Variants in EIF4G1 observed in about 807,000 individuals in gnomAD.
EIF4G1 encodes EIF4-gamma.
A neutral mutation model predicts 187.8 loss-of-function variants in EIF4G1; 4 were observed. The ratio of observed to expected loss-of-function variants is 0.02; its 90% CI spans 0.01 to 0.05. The LOEUF (loss-of-function observed/expected upper bound fraction) is 0.05. EIF4G1 is among the 10% of genes least tolerant of loss of function. The pLI is 1.00. For missense variants in EIF4G1, 1,647 were observed against 2,081.1 expected (o/e 0.79, Z 4.06); for synonymous variants, 844 against 781.4 (o/e 1.08, Z -1.34).
At chr3:184,327,094 G>C in intron 23 of EIF4G1, 111 bp downstream of exon 23, 2 of 1,568,568 alleles carry the variant, frequency 1.3e-6, no homozygotes, top group Admixed American at 3.5e-5. Flanking sequence ...GGAGCCCTTG[G>C]GTTAGATTGG....
At chr3:184,333,760 G>A (rs1726575604) in intron 32 of EIF4G1, among the ~76,000 whole-genome samples, 1 of 152,246 alleles carries the variant, frequency 6.6e-6, no homozygotes, top group African/African-American at 2.4e-5. Context: ...TTAGCTGTAA[G>A]ATAGTGGTTG....
chr3:184,322,061 G>A lies in EIF4G1; in HGVS notation c.1477G>A (p.Ala493Thr), dbSNP rs1476307707. 1.2e-6 allele frequency: 2 copies of A among 1,614,140 alleles called. No homozygotes were observed. The highest frequency in any genetic ancestry group is 1.7e-6 in the Non-Finnish European group (2 of 1,180,026). The change falls in exon 10 of 33, where the codon GCC (alanine) becomes ACC (threonine). Residue 493 changes from alanine (A) to threonine (T), a missense_variant. By Grantham distance (58) the Ala-to-Thr change is moderately conservative. This residue lies in a region of EIF4G1 where 522 missense variants were observed against 485.2 expected (regional missense o/e 1.08). Transcript: ENST00000346169. ...LLPPESTPIP[A>T]NLSQNLEAAA... is the part of the protein sequence containing the mutation. ...CCCCCCAGAGAGTACCCCTATTCCA[G>A]CCAACTTGTCTCAGAATTTGGAGGC...
rs752071753 is a variant in EIF4G1, at chr3:184,316,740, T to C, written c.147+522T>C. On this transcript the variant is annotated intron_variant, in intron 4 of 32. Coordinates refer to ENST00000346169, the MANE Select transcript of EIF4G1 (RefSeq NM_198241.3). ...AGGATTCAGGTCTCTGCAGGTAATA[T>C]CCCTTTCCCAACCCTGGACAGTCTT... 5.0e-6 allele frequency: 8 copies of C among 1,596,290 alleles called. No individual in the cohort carries two copies. The Admixed American group carries it at 6.7e-5, about 13-fold the overall frequency.
rs1380564622 is a variant in EIF4G1, at chr3:184,321,674, A to G, written c.1090A>G (p.Met364Val). The change falls in exon 10 of 33, where the codon ATG becomes GTG. Residue 364 changes from methionine (M) to valine (V), a missense_variant. Met to Val is a conservative substitution (Grantham distance 21). This residue lies in a region of EIF4G1 where 522 missense variants were observed against 485.2 expected (regional missense o/e 1.08). Coordinates refer to ENST00000346169, the MANE Select transcript of EIF4G1 (RefSeq NM_198241.3). ...HTVEIHEPNG[M>V]VPSEDLEPEV... ...AGTGGAAATTCATGAGCCTAATGGCATGGTCCCATCTGAAGATCTGGAACC... is the reference window on the plus strand; with the variant it reads ...AGTGGAAATTCATGAGCCTAATGGCGTGGTCCCATCTGAAGATCTGGAACC... 1.2e-6 allele frequency: 2 copies of G among 1,600,388 alleles called. No homozygotes were observed. Among genetic ancestry groups the G allele is most frequent in the Non-Finnish European group, 1.7e-6 (2 of 1,171,792 alleles).
chr3:184,326,475 A>G (rs968369281), intron 21 of EIF4G1, 52 bp from the exon 22 acceptor site: 53 of 1,599,588 alleles, frequency 3.3e-5, no homozygotes, highest in Non-Finnish European at 1.1e-5. Flanking sequence ...GGTGCTGGCC[A>G]AGGGACTCAG....
chr3:184,331,822 AG>A lies in EIF4G1; in HGVS notation c.4477+16del. On this transcript the variant is annotated intron_variant, in intron 31 of 32. Transcript: ENST00000346169. Reference sequence around the variant, plus strand: ...TCTGCAATTATTTGTAAGAGGAACCAGGGAGATGGAGGGGCAAGGGTGGGCC... The same window carrying A: ...TCTGCAATTATTTGTAAGAGGAACCAGGAGATGGAGGGGCAAGGGTGGGCC... The A allele has an allele frequency of 6.2e-7, 1 of 1,614,170 alleles. No individual in the cohort carries two copies. The highest frequency in any genetic ancestry group is 8.5e-7 in the Non-Finnish European group (1 of 1,180,042).
chr3:184,324,345 A>G lies in EIF4G1; in HGVS notation c.2617A>G (p.Thr873Ala). Residue 873 changes from threonine (T) to alanine (A), a missense_variant and splice_region_variant, in exon 17 of 33, where the codon ACG (threonine) becomes GCG (alanine). Thr to Ala is a moderately conservative substitution (Grantham distance 58, BLOSUM62 0). Transcript: ENST00000346169. ...KKQKEMDEAA[T>A]AEERGRLKEE... is the part of the protein sequence containing the mutation. ...GCAAAAAGAGATGGATGAAGCTGCTACGGTGAGAGAAAACCCACTATCGAT... is the reference window on the plus strand; with the variant it reads ...GCAAAAAGAGATGGATGAAGCTGCTGCGGTGAGAGAAAACCCACTATCGAT... 1 of 1,614,246 alleles carries G rather than the reference A, an allele frequency of 6.2e-7. No individual in the cohort carries two copies. Among genetic ancestry groups the G allele is most frequent in the Non-Finnish European group, 8.5e-7 (1 of 1,180,040 alleles).
At position 184,327,981 on chromosome 3, in the gene EIF4G1, C is replaced by T. The variant is rs370626247; in HGVS notation, c.3932C>T (p.Ser1311Phe). Residue 1311 changes from serine (S) to phenylalanine (F), a missense_variant, in exon 26 of 33, where the codon TCT becomes TTT. This residue lies in a region of EIF4G1 where 543 missense variants were observed against 638.0 expected (regional missense o/e 0.85). Transcript: ENST00000346169. The stretch of plus-strand genomic sequence containing the variant: ...CAGCTGCTCTGTGCTGGGCATCTGT[C>T]TACTGCTCAGTACTACCAAGGGTAT... The part of the protein sequence containing the change: ...LHQLLCAGHL[S>F]TAQYYQGLYE... The T allele has an allele frequency of 2.8e-5, 45 of 1,607,312 alleles. No homozygotes were observed. The highest frequency in any genetic ancestry group is 3.8e-5 in the Non-Finnish European group (45 of 1,179,996).
rs536999900 is a variant in EIF4G1, at chr3:184,324,498, C to T, written c.2619+151C>T. ...TTTTTTCCTTTTTGAGACAGTCTTG[C>T]TCTGTCACCCAGGCTGGAGTGCAGT... On this transcript the variant is annotated intron_variant, in intron 17 of 32. Transcript: ENST00000346169. 98 of 1,178,892 alleles carry T rather than the reference C, an allele frequency of 8.3e-5. No individual in the cohort carries two copies. In the South Asian group the frequency reaches 1.2e-3, roughly 14 times the overall value. The allele number at this position is 1,178,892 out of a possible 1,614,324, so 73.0% of individuals were successfully genotyped here.
At position 184,322,077 on chromosome 3, in the gene EIF4G1, A is replaced by G; in HGVS notation, c.1493A>G (p.Asn498Ser). The G allele has an allele frequency of 6.2e-7, 1 of 1,614,010 alleles. No individual in the cohort carries two copies. The highest frequency in any genetic ancestry group is 8.5e-7 in the Non-Finnish European group (1 of 1,180,020). The change falls in exon 10 of 33, where the codon AAT becomes AGT. Residue 498 changes from asparagine (N) to serine (S), a missense_variant. Coordinates refer to ENST00000346169, the MANE Select transcript of EIF4G1 (RefSeq NM_198241.3). ...CCTATTCCAGCCAACTTGTCTCAGA[A>G]TTTGGAGGCAGCAGCAGCCACTCAA... Reference protein sequence around the residue: ...STPIPANLSQNLEAAAATQVA... With the variant: ...STPIPANLSQSLEAAAATQVA...
chr3:184,331,429 G>C (rs750078814), intron 29 of EIF4G1, 43 bp from the exon 30 acceptor site: 3 of 1,614,194 alleles, frequency 1.9e-6, no homozygotes, highest in South Asian at 1.1e-5. Flanking sequence ...CTTGTCTCCT[G>C]TTGGCAACCT....
Position 184,323,947 on chromosome 3 carries a change from C to T in EIF4G1, c.2442C>T (p.Ala814=), listed in dbSNP as rs964724714. 5.6e-6 allele frequency: 9 copies of T among 1,613,932 alleles called. No homozygotes were observed. In the African/African-American group the frequency reaches 1.1e-4, roughly 19 times the overall value. Residue 814 remains alanine (A), a synonymous_variant, in exon 16 of 33, where the codon GCC becomes GCT. Coordinates refer to ENST00000346169, the MANE Select transcript of EIF4G1 (RefSeq NM_198241.3). This position sits in a 1 kb window ranked among gnomAD's most constrained non-coding sequence, Gnocchi z 6.9. The part of the protein sequence containing the change: ...KAISEPNFSV[A]YANMCRCLMA... ...TTTCAGAGCCCAACTTCTCTGTGGC[C>T]TATGCCAACATGTGCCGCTGCCTCA...
At position 184,323,685 on chromosome 3, in the gene EIF4G1, C is replaced by T; in HGVS notation, c.2274+92C>T. On this transcript the variant is annotated intron_variant, in intron 15 of 32. Transcript: ENST00000346169. This position sits in a 1 kb window ranked among gnomAD's most constrained non-coding sequence, Gnocchi z 6.9. The stretch of plus-strand genomic sequence containing the variant: ...TGCTTCTTTTTGTCCTTATCACTAG[C>T]ATCTGTCATGCCTAAGTCCCCACCA... 1.2e-6 allele frequency: 2 copies of T among 1,609,238 alleles called. No homozygotes were observed. Among genetic ancestry groups the T allele is most frequent in the East Asian group, 2.2e-5 (1 of 44,852 alleles).
rs755396542 is a variant in EIF4G1 at position 184,325,384 on chromosome 3, C to A, written c.2961+11C>A. ...CTGGATCTGCGAGGGGTGTGTGTCC[C>A]CCTCCTCCCCACTGCCAGCCTGCTG... On this transcript the variant is annotated intron_variant, in intron 19 of 32. Coordinates refer to ENST00000346169, the MANE Select transcript of EIF4G1 (RefSeq NM_198241.3). This position sits in a 1 kb window ranked among gnomAD's most constrained non-coding sequence, Gnocchi z 5.2. 1 of 1,614,022 alleles carries A rather than the reference C, an allele frequency of 6.2e-7. No individual in the cohort carries two copies. Among genetic ancestry groups the A allele is most frequent in the East Asian group, 2.2e-5 (1 of 44,892 alleles).
At position 184,325,580 on chromosome 3, in the gene EIF4G1, A is replaced by G. The variant is rs1436883221; in HGVS notation, c.3062A>G (p.Gln1021Arg). 1.2e-6 allele frequency: 2 copies of G among 1,614,128 alleles called. No individual in the cohort carries two copies. Residue 1021 changes from glutamine (Q) to arginine (R), a missense_variant, in exon 20 of 33, where the codon CAG (glutamine) becomes CGG (arginine). By Grantham distance (43) the Gln-to-Arg change is conservative. Transcript: ENST00000346169. This position sits in a 1 kb window ranked among gnomAD's most constrained non-coding sequence, Gnocchi z 5.2. ...GAACATCGAGAGCACATCAAAGTGC[A>G]GCAGCTCATGGCCAAGGGCAGTGAC... ...MEEHREHIKVQQLMAKGSDKR... is the reference protein window; with the variant it reads ...MEEHREHIKVRQLMAKGSDKR...
In EIF4G1 at chr3:184,317,726, A is replaced by G. The variant is rs1276300654; in HGVS notation, c.334A>G (p.Thr112Ala). The change falls in exon 6 of 33, where the codon ACA becomes GCA. Residue 112 changes from threonine (T) to alanine (A), a missense_variant. Thr to Ala is a moderately conservative substitution (Grantham distance 58). Coordinates refer to ENST00000346169, the MANE Select transcript of EIF4G1 (RefSeq NM_198241.3). ...CCCCCTTCCCCACCAGGGGCGTTCC[A>G]CATACGTTGTCCCGACACAGCAGTA... The part of the protein sequence containing the change: ...AYYIPGQGRS[T>A]YVVPTQQYPV... The G allele has an allele frequency of 4.3e-6, 7 of 1,613,784 alleles. No homozygotes were observed. Among genetic ancestry groups the G allele is most frequent in the Non-Finnish European group, 5.1e-6 (6 of 1,179,938 alleles).
In EIF4G1 at chr3:184,321,084, A is replaced by G. The variant is rs998055025; in HGVS notation, c.697+91A>G. On this transcript the variant is annotated intron_variant, in intron 9 of 32. Coordinates refer to ENST00000346169, the MANE Select transcript of EIF4G1 (RefSeq NM_198241.3). ...GGTGGAGTGACTTGAACTGGGTACC[A>G]GAGAATGATGACTTAGATTTCAGGT... 4.4e-5 allele frequency: 68 copies of G among 1,535,778 alleles called. No homozygotes were observed. In the Middle Eastern group the frequency reaches 2.6e-3, roughly 59 times the overall value.
At chr3:184,328,250 A>T in intron 26 of EIF4G1, 1 of 523,014 alleles carries the variant, frequency 1.9e-6, no homozygotes, top group Non-Finnish European at 3.4e-6. Context: ...TACAAAAATT[A>T]GCCAGGCGTG....
Position 184,321,652 on chromosome 3 carries a change from G to T in EIF4G1, c.1068G>T (p.Val356=). ...QAPTPLASHT[V]EIHEPNGMVP... is the part of the protein sequence containing the mutation. The stretch of plus-strand genomic sequence containing the variant: ...CCACCCCTTTGGCATCTCACACAGT[G>T]GAAATTCATGAGCCTAATGGCATGG... The change falls in exon 10 of 33, where the codon GTG becomes GTT. Residue 356 remains valine, a synonymous_variant. Transcript: ENST00000346169. 2 of 1,608,140 alleles carry T rather than the reference G, an allele frequency of 1.2e-6. No homozygotes were observed. Among genetic ancestry groups the T allele is most frequent in the Non-Finnish European group, 1.7e-6 (2 of 1,176,180 alleles).
Sources: allele counts gnomAD v4.1 joint callset (sites outside exome capture counted in the v4.1 genomes callset), GRCh38; gene constraint gnomAD v4.1.1; regional missense constraint gnomAD v4.1.1; non-coding constraint Gnocchi (gnomAD v3.1); transcripts MANE v1.5; gene names NCBI Gene and HGNC (gene_info 2026-07-23, HGNC 2026-07-21).